UTP20: variants seen among roughly 807,000 people sequenced by gnomAD.
UTP20 encodes the protein UTP20 small subunit processome component, also known as small subunit processome component 20 homolog.
Under a neutral mutation model 329.5 loss-of-function variants are expected in UTP20, and 164 were observed. The observed-to-expected ratio is 0.50, with a 90% CI of 0.44 to 0.57. UTP20 has a LOEUF of 0.57. Among genes scored for constraint, UTP20 ranks in the 20% least tolerant of loss-of-function variants. UTP20 has a pLI of 0.00. For synonymous variants in UTP20, 1,151 were observed against 1,159.3 expected, an observed-to-expected ratio of 0.99 and a Z score of 0.14; for missense variants, 3,055 against 3,284.2, an observed-to-expected ratio of 0.93 and a Z score of 1.71.
chr12:101,351,942 C>G, intron 38 of UTP20, 113 bp from the exon 39 acceptor site: 1 of 1,274,494 alleles, frequency 7.8e-7, no homozygotes, highest in South Asian at 1.3e-5. Flanking sequence ...TTTGGACATT[C>G]TTTCTCTTCT....
chr12:101,306,630 C>A, intron 16 of UTP20, 69 bp from the exon 17 acceptor site: 2 of 1,393,080 alleles, frequency 1.4e-6, no homozygotes, highest in South Asian at 1.3e-5. Flanking sequence ...TTAAATCTTG[C>A]TGACTGTGAA....
intron 5 of UTP20, among the ~76,000 whole-genome samples, chr12:101,288,704 A>G (rs954231929): frequency 6.6e-6 from 1 of 152,188 alleles, no homozygotes; most frequent in Admixed American, 6.5e-5. Context: ...TTCAGAGCTC[A>G]TTACAAATTT....
At chr12:101,328,664 T>C (rs140385240) in intron 26 of UTP20, among the ~76,000 whole-genome samples, 2,934 of 152,146 alleles carry the variant, frequency 0.019, 58 homozygotes, top group African/African-American at 0.051. Flanking sequence ...AGGTCAGTAG[T>C]TCGAGACCAG....
chr12:101,282,097 TCC>T (rs1871818626), intron 2 of UTP20, among the ~76,000 whole-genome samples: 1 of 152,190 alleles, frequency 6.6e-6, no homozygotes, highest in Non-Finnish European at 1.5e-5. Context: ...ACCTTGGCGA[TCC>T]AATCTCAGTT....
At chr12:101,315,702 CT>C (rs1872951954) in intron 21 of UTP20, among the ~76,000 whole-genome samples, 2 of 151,816 alleles carry the variant, frequency 1.3e-5, no homozygotes, top group Non-Finnish European at 2.9e-5. Flanking sequence ...GCTTTTTTTG[CT>C]TTGTTTTGAG....
At chr12:101,337,889 A>G (rs753783675) in intron 29 of UTP20, among the ~76,000 whole-genome samples, 162 bp from the exon 30 acceptor site, 47 of 152,248 alleles carry the variant, frequency 3.1e-4, no homozygotes, top group Admixed American at 5.9e-4. Context: ...GGTAATACTT[A>G]GAATTATTAT....
chr12:101,318,829 T>C (rs1365307476), intron 22 of UTP20, among the ~76,000 whole-genome samples: 4 of 108,670 alleles, frequency 3.7e-5, no homozygotes, highest in Admixed American at 2.0e-4. Flanking sequence ...AGACTCCATC[T>C]TGAAAAAAAA....
chr12:101,309,645 A>T, intron 18 of UTP20, 118 bp from the exon 19 acceptor site: 2 of 908,016 alleles, frequency 2.2e-6, no homozygotes, highest in Middle Eastern at 3.1e-4. Context: ...TTTTTTTCTT[A>T]TCGCACAGGC....
chr12:101,286,202 T>C, intron 4 of UTP20, 119 bp from the exon 5 acceptor site: 3 of 981,782 alleles, frequency 3.1e-6, no homozygotes, highest in Non-Finnish European at 4.4e-6. Flanking sequence ...TTTTCAGACT[T>C]GATTTAGAAG....
intron 35 of UTP20, 54 bp from the exon 36 acceptor site, chr12:101,344,541 C>A: frequency 1.2e-6 from 1 of 828,964 alleles, no homozygotes; most frequent in South Asian, 1.4e-5. Context: ...AAGTAATATT[C>A]CATATTGTAG....
rs1281150751 is a variant in UTP20 at position 101,290,294 on chromosome 12, G to C, written c.735+20G>C. The C allele has an allele frequency of 2.5e-6, 4 of 1,572,756 alleles. No individual in the cohort carries two copies. In the African/African-American group the frequency reaches 5.5e-5, roughly 22 times the overall value. ...GGCCAGGTACATAATGGGGAGGGGT[G>C]CTTAGAGTCTATGTGGATGGATGAA... On this transcript the variant is annotated intron_variant, in intron 7 of 61. Transcript: ENST00000261637.
In UTP20 at chr12:101,300,060, A is replaced by T. The variant is rs753815915; in HGVS notation, c.1674A>T (p.Lys558Asn). Residue 558 changes from lysine (K) to asparagine (N), a missense_variant and splice_region_variant, in exon 14 of 62, where the codon AAA becomes AAT. Lys to Asn is a moderately conservative substitution (Grantham distance 94, BLOSUM62 0). Coordinates refer to ENST00000261637, the MANE Select transcript of UTP20 (RefSeq NM_014503.3). ...CTGTTGACAAAGGAAGCTTTGGGAAAGGTCAGTTACAATCATCATGTGTTC... is the reference window on the plus strand; with the variant it reads ...CTGTTGACAAAGGAAGCTTTGGGAATGGTCAGTTACAATCATCATGTGTTC... The part of the protein sequence containing the change: ...FMTVDKGSFG[K>N]GNLFVLCQAV... The T allele has an allele frequency of 2.0e-5, 32 of 1,613,914 alleles. 1 individual carries two copies. Among genetic ancestry groups the T allele is most frequent in the East Asian group, 1.6e-4 (7 of 44,892 alleles).
chr12:101,366,704 G>C lies in UTP20; in HGVS notation c.6267+5G>C. 2 of 1,612,048 alleles carry C rather than the reference G, an allele frequency of 1.2e-6. No individual in the cohort carries two copies. Among genetic ancestry groups the C allele is most frequent in the Non-Finnish European group, 1.7e-6 (2 of 1,178,960 alleles). On this transcript the variant is annotated splice_donor_5th_base_variant and intron_variant, in intron 47 of 61. Coordinates refer to ENST00000261637, the MANE Select transcript of UTP20 (RefSeq NM_014503.3). Reference sequence around the variant, plus strand: ...TTTATTGAGTCCGGGCTTCGGGTAAGAATTAACCTTAAAATGAGACTTGCT... The same window carrying C: ...TTTATTGAGTCCGGGCTTCGGGTAACAATTAACCTTAAAATGAGACTTGCT...
intron 43 of UTP20, among the ~76,000 whole-genome samples, chr12:101,360,733 G>A (rs1165597809): frequency 6.6e-6 from 1 of 152,058 alleles, no homozygotes; most frequent in Non-Finnish European, 1.5e-5. Flanking sequence ...GGAGGCTGAG[G>A]CATAAGAATT....
Position 101,366,626 on chromosome 12 carries a change from C to T in UTP20, c.6194C>T (p.Pro2065Leu), listed in dbSNP as rs1387803210. The T allele has an allele frequency of 1.2e-6, 2 of 1,614,130 alleles. No individual in the cohort carries two copies. Among genetic ancestry groups the T allele is most frequent in the Non-Finnish European group, 1.7e-6 (2 of 1,180,016 alleles). ...PQSCLLLPPT[P>L]VRGGQKAVVS... The stretch of plus-strand genomic sequence containing the variant: ...AGCTGCCTTCTGCTTCCCCCAACTC[C>T]AGTTCGAGGTGGACAGAAAGCTGTT... Residue 2065 changes from proline (P) to leucine (L), a missense_variant, in exon 47 of 62, where the codon CCA (proline) becomes CTA (leucine). Pro to Leu is a moderately conservative substitution (Grantham distance 98, BLOSUM62 -3). Around this residue, in one of 3 missense-constraint regions of UTP20, gnomAD observed 2,445 missense variants for 2,575.5 expected, o/e 0.95. Transcript: ENST00000261637.
chr12:101,384,123 A>T (rs1032147781), intron 60 of UTP20, among the ~76,000 whole-genome samples: 1 of 152,248 alleles, frequency 6.6e-6, no homozygotes, highest in Non-Finnish European at 1.5e-5. Flanking sequence ...TGTTTCTCAC[A>T]TAAAAGATGA....
At chr12:101,286,011 G>C in intron 4 of UTP20, 130 bp downstream of exon 4, 1 of 1,332,218 alleles carries the variant, frequency 7.5e-7, no homozygotes. Context: ...TTCCTTTTCT[G>C]TTAGGAATAA....
chr12:101,361,074 C>T lies in UTP20; in HGVS notation c.5692-888C>T, dbSNP rs913780505. 5.3e-5 allele frequency among the ~76,000 whole-genome samples: 8 copies of T among 152,098 alleles called. No homozygotes were observed. In the South Asian group the frequency reaches 1.0e-3, roughly 20 times the overall value. ...CCAGTTCCTACCTATGACCTCTTTG[C>T]GCCTCAGCTTCCTCATCTAAAAACT... On this transcript the variant is annotated intron_variant, in intron 43 of 61. Coordinates refer to ENST00000261637, the MANE Select transcript of UTP20 (RefSeq NM_014503.3).
intron 49 of UTP20, 110 bp downstream of exon 49, chr12:101,370,001 C>A: frequency 9.0e-7 from 1 of 1,108,292 alleles, no homozygotes. Context: ...ATTACTTGAG[C>A]CTAAGAGTTC....
Sources: allele counts gnomAD v4.1 joint callset (sites outside exome capture counted in the v4.1 genomes callset), GRCh38; gene constraint gnomAD v4.1.1; regional missense constraint gnomAD v4.1.1; transcripts MANE v1.5; gene names NCBI Gene and HGNC (gene_info 2026-07-23, HGNC 2026-07-21).